Variants in KIF18A observed in about 807,000 individuals in gnomAD.
KIF18A encodes kinesin-like protein KIF18A.
A neutral mutation model predicts 103.3 loss-of-function variants in KIF18A; 67 were observed. The observed-to-expected ratio is 0.65, with a 90% confidence interval of 0.53 to 0.79. The LOEUF (loss-of-function observed/expected upper bound fraction) is 0.79. Among genes scored for constraint, KIF18A ranks in the 30% least tolerant of loss-of-function variants. The pLI is 0.00. For synonymous variants in KIF18A, 367 were observed against 355.5 expected (o/e 1.03, Z -0.36); for missense variants, 1,032 against 1,062.5 (o/e 0.97, Z 0.40).
intron 13 of KIF18A, among the ~76,000 whole-genome samples, chr11:28,043,467 T>C (rs1850586577): frequency 6.6e-6 from 1 of 151,958 alleles, no homozygotes. Context: ...AACTCAGACC[T>C]TTTGCTAATC....
At chr11:28,029,462 T>G (rs1850366253) in intron 15 of KIF18A, among the ~76,000 whole-genome samples, 1 of 152,152 alleles carries the variant, frequency 6.6e-6, no homozygotes, top group African/African-American at 2.4e-5. Flanking sequence ...AGAAAAGGCC[T>G]TTGACAAAAT....
rs1369295985 is a variant in KIF18A, at chr11:28,108,112, C to T, written c.-95G>A. On this transcript the variant is annotated 5_prime_UTR_variant, in exon 1 of 17. Coordinates refer to ENST00000263181, the MANE Select transcript of KIF18A (RefSeq NM_031217.4). ...CAGGCCCAGGCCAGGTTACCGCAAC[C>T]ACTTCACTTTAATGTCCGCCTCCCA... is the stretch of plus-strand genomic sequence containing the variant. 1 of 152,502 alleles carries T rather than the reference C, an allele frequency of 6.6e-6. No homozygotes were observed. The highest frequency in any genetic ancestry group is 2.4e-5 in the African/African-American group (1 of 41,458). The allele number at this position is 152,502 out of a possible 1,614,324, so 9.4% of individuals were successfully genotyped here. A position where few individuals can be genotyped will look rare whatever the true frequency, so the allele number is the denominator to read the frequency against.
chr11:28,070,277 AAT>A (rs1012114760), intron 10 of KIF18A, among the ~76,000 whole-genome samples: 16 of 152,202 alleles, frequency 1.1e-4, no homozygotes, highest in Non-Finnish European at 2.2e-4. Flanking sequence ...TTGGGAGATA[AAT>A]ATCTCTTAAT....
At chr11:28,089,365 C>A (rs1422314395) in intron 5 of KIF18A, among the ~76,000 whole-genome samples, 1 of 152,104 alleles carries the variant, frequency 6.6e-6, no homozygotes, top group East Asian at 1.9e-4. Context: ...CAGAATGTAG[C>A]AGACTGCTTT....
chr11:28,063,375 T>C (rs906853065), intron 11 of KIF18A, among the ~76,000 whole-genome samples: 2 of 152,054 alleles, frequency 1.3e-5, no homozygotes. Context: ...ATCCTTTATA[T>C]ACATCCTCTC....
chr11:28,069,112 G>T, intron 11 of KIF18A, 147 bp downstream of exon 11: 1 of 655,640 alleles, frequency 1.5e-6, no homozygotes, highest in Non-Finnish European at 2.6e-6. Context: ...CAATCACTTA[G>T]AAATAACATT....
chr11:28,095,082 C>T (rs1590710804), intron 2 of KIF18A, among the ~76,000 whole-genome samples: 1 of 152,194 alleles, frequency 6.6e-6, no homozygotes, highest in African/African-American at 2.4e-5. Flanking sequence ...TAGTCTTCAT[C>T]TTCCATCTTC....
At chr11:28,067,560 T>C (rs936599732) in intron 11 of KIF18A, among the ~76,000 whole-genome samples, 2 of 152,178 alleles carry the variant, frequency 1.3e-5, no homozygotes, top group African/African-American at 4.8e-5. Context: ...CTAGTATCTT[T>C]GAATTATAAA....
intron 13 of KIF18A, among the ~76,000 whole-genome samples, chr11:28,046,969 G>A (rs754095824): frequency 6.8e-6 from 1 of 147,070 alleles, no homozygotes. Context: ...GAGGAGAATC[G>A]CTTGAACCTG....
chr11:28,049,507 C>T (rs1005113934), intron 13 of KIF18A, among the ~76,000 whole-genome samples: 25 of 151,876 alleles, frequency 1.6e-4, no homozygotes, highest in African/African-American at 4.8e-4. Context: ...AGGAAGAATG[C>T]GGTATTTAGC....
At chr11:28,046,191 T>G (rs1334281969) in intron 13 of KIF18A, among the ~76,000 whole-genome samples, 1 of 152,078 alleles carries the variant, frequency 6.6e-6, no homozygotes, top group Non-Finnish European at 1.5e-5. Context: ...ATCCCATTAC[T>G]GGGTATATAT....
intron 9 of KIF18A, among the ~76,000 whole-genome samples, chr11:28,079,362 T>C (rs1346047988): frequency 6.6e-6 from 1 of 151,970 alleles, no homozygotes; most frequent in African/African-American, 2.4e-5. Context: ...TAATACTATA[T>C]CAGAGTTAAA....
Position 28,094,810 on chromosome 11 carries a change from T to A in KIF18A, c.326-10A>T, listed in dbSNP as rs781656577. ...GCACCATAGGCAAGTACTGAGTTTT[T>A]AAGAAAGGGATCAAAACTCTTTGTT... On this transcript the variant is annotated splice_polypyrimidine_tract_variant and intron_variant, in intron 2 of 16. Coordinates refer to ENST00000263181, the MANE Select transcript of KIF18A (RefSeq NM_031217.4). The A allele has an allele frequency of 9.0e-5, 145 of 1,612,758 alleles. No homozygotes were observed. The highest frequency in any genetic ancestry group is 1.2e-4 in the Non-Finnish European group (141 of 1,178,926).
chr11:28,026,255 T>C (rs1287945032), intron 15 of KIF18A, among the ~76,000 whole-genome samples: 1 of 151,816 alleles, frequency 6.6e-6, no homozygotes, highest in Non-Finnish European at 1.5e-5. Flanking sequence ...TGCCATTTTA[T>C]GCAAAATAAA....
At chr11:28,065,145 A>G (rs1466480523) in intron 11 of KIF18A, among the ~76,000 whole-genome samples, 1 of 152,068 alleles carries the variant, frequency 6.6e-6, no homozygotes, top group Non-Finnish European at 1.5e-5. Flanking sequence ...AGAATATTGA[A>G]GAGTAAATAA....
chr11:28,058,647 G>A (rs1448448140), intron 13 of KIF18A, among the ~76,000 whole-genome samples: 2 of 123,066 alleles, frequency 1.6e-5, no homozygotes, highest in East Asian at 4.6e-4. Context: ...GGGCAACAGG[G>A]TGAGACCCTG....
intron 13 of KIF18A, among the ~76,000 whole-genome samples, chr11:28,040,347 C>T (rs987881702): frequency 3.2e-4 from 48 of 151,772 alleles, no homozygotes; most frequent in African/African-American, 1.1e-3. Flanking sequence ...AAAGGGTGTA[C>T]AGTAAATTTC....
intron 15 of KIF18A, among the ~76,000 whole-genome samples, chr11:28,031,135 G>A (rs985158337): frequency 9.9e-5 from 15 of 152,160 alleles, no homozygotes; most frequent in Non-Finnish European, 1.6e-4. Flanking sequence ...GATTTCTCAA[G>A]GATCTAGAAC....
intron 9 of KIF18A, among the ~76,000 whole-genome samples, chr11:28,078,125 T>A (rs541745827): frequency 6.6e-6 from 1 of 152,206 alleles, no homozygotes; most frequent in African/African-American, 2.4e-5. Flanking sequence ...TTAAAAAAAA[T>A]GTTCTAAACT....
Sources: allele counts gnomAD v4.1 joint callset (sites outside exome capture counted in the v4.1 genomes callset), GRCh38; gene constraint gnomAD v4.1.1; transcripts MANE v1.5; gene names NCBI Gene and HGNC (gene_info 2026-07-23, HGNC 2026-07-21).